SPTLC3: variants seen among roughly 807,000 people sequenced by gnomAD.
SPTLC3 encodes the protein serine palmitoyltransferase long chain base subunit 3.
Under a neutral mutation model 59.3 loss-of-function variants are expected in SPTLC3, and 36 were observed. The observed-to-expected ratio is 0.61, with a 90% confidence interval of 0.47 to 0.80. The LOEUF (loss-of-function observed/expected upper bound fraction) is 0.80. Ranked by LOEUF, SPTLC3 falls within the 30% of genes least tolerant of loss-of-function variation. The pLI, the probability that SPTLC3 is intolerant of heterozygous loss-of-function variation, is 0.00. For missense variants in SPTLC3, 625 were observed against 685.1 expected (o/e 0.91, Z 0.98); for synonymous variants, 257 against 240.8 (o/e 1.07, Z -0.62).
chr20:13,159,214 G>A (rs6109728), intron 10 of SPTLC3, among the ~76,000 whole-genome samples: 81 of 152,318 alleles, frequency 5.3e-4, no homozygotes, highest in African/African-American at 1.9e-3. Context: ...AGCTTATGAA[G>A]GTTTTACTCT....
intron 4 of SPTLC3, among the ~76,000 whole-genome samples, chr20:13,077,286 ATAT>A (rs1323633447): frequency 4.0e-5 from 6 of 149,776 alleles, no homozygotes; most frequent in Non-Finnish European, 7.4e-5. Flanking sequence ...AATACAAATA[ATAT>A]TATTACTTAT....
intron 1 of SPTLC3, among the ~76,000 whole-genome samples, chr20:13,016,161 G>C (rs1391619648): frequency 4.0e-5 from 6 of 151,828 alleles, no homozygotes; most frequent in African/African-American, 1.5e-4. Context: ...AAATACAAAA[G>C]GTAAGGAAAG....
intron 4 of SPTLC3, among the ~76,000 whole-genome samples, chr20:13,075,425 A>C (rs1988611183): frequency 1.3e-5 from 2 of 152,230 alleles, no homozygotes; most frequent in African/African-American, 4.8e-5. Context: ...TAGGTAACCA[A>C]TTAGTAGAGA....
chr20:13,063,361 T>C (rs1214431480), intron 2 of SPTLC3, among the ~76,000 whole-genome samples: 1 of 152,164 alleles, frequency 6.6e-6, no homozygotes, highest in African/African-American at 2.4e-5. Context: ...CAATTCTGTT[T>C]CTTGGCTCTT....
At chr20:13,151,195 T>C (rs1192259413) in intron 9 of SPTLC3, among the ~76,000 whole-genome samples, 5 of 152,248 alleles carry the variant, frequency 3.3e-5, no homozygotes, top group Non-Finnish European at 5.9e-5. Context: ...AAGCTTTTTT[T>C]CTGTGTCTTT....
chr20:13,164,710 C>T (rs1325561542), intron 11 of SPTLC3, 44 bp from the exon 12 acceptor site: 1 of 1,480,012 alleles, frequency 6.8e-7, no homozygotes, highest in South Asian at 1.2e-5. Flanking sequence ...AGCAGGGCTA[C>T]TTAGGTGTTC....
intron 6 of SPTLC3, among the ~76,000 whole-genome samples, chr20:13,098,471 C>T (rs540044672): frequency 7.9e-5 from 12 of 152,142 alleles, no homozygotes; most frequent in East Asian, 1.9e-4. Flanking sequence ...TTTTCTATTA[C>T]GTTTCAAATT....
intron 9 of SPTLC3, among the ~76,000 whole-genome samples, chr20:13,136,853 G>A (rs2038259549): frequency 6.6e-6 from 1 of 151,532 alleles, no homozygotes; most frequent in Non-Finnish European, 1.5e-5. Context: ...TGCAAAAAAG[G>A]TCATAAATAG....
At chr20:13,054,739 C>G (rs554994368) in intron 2 of SPTLC3, among the ~76,000 whole-genome samples, 2 of 152,230 alleles carry the variant, frequency 1.3e-5, no homozygotes, top group East Asian at 3.9e-4. Context: ...GGCAGCTAAA[C>G]TTAAAGATCT....
intron 7 of SPTLC3, among the ~76,000 whole-genome samples, chr20:13,114,820 T>C (rs1182717726): frequency 1.3e-5 from 2 of 152,232 alleles, no homozygotes; most frequent in Non-Finnish European, 2.9e-5. Context: ...GCCGGTGGTT[T>C]AATTCTCCAT....
At chr20:13,046,216 C>T (rs1341274095) in intron 1 of SPTLC3, among the ~76,000 whole-genome samples, 3 of 152,272 alleles carry the variant, frequency 2.0e-5, no homozygotes, top group South Asian at 2.1e-4. Context: ...TGTACCTTAT[C>T]GCATTCACCT....
rs73087773 is a variant in SPTLC3 at position 13,165,779 on chromosome 20, A to C, written c.*912A>C. 6.6e-6 allele frequency: 1 copy of C among 152,170 alleles called. No individual in the cohort carries two copies. Among genetic ancestry groups the C allele is most frequent in the Non-Finnish European group, 1.5e-5 (1 of 68,020 alleles). 9.4% of individuals were successfully genotyped at this position (152,170 alleles called of 1,614,324 possible). On this transcript the variant is annotated 3_prime_UTR_variant, in exon 12 of 12. Transcript: ENST00000399002. ...TCAGTGTCCTTTAGAATCGACTCCC[A>C]AGACTATATTTGAAGAATGCATTGA...
intron 9 of SPTLC3, among the ~76,000 whole-genome samples, chr20:13,142,333 G>A (rs112443643): frequency 1.3e-5 from 2 of 152,206 alleles, no homozygotes; most frequent in African/African-American, 4.8e-5. Context: ...CTGTGTGGTT[G>A]GACCCTGAGA....
rs2038995688 is a variant in SPTLC3, at chr20:13,167,241, GTTCA to G, written c.*2376_*2379del. On this transcript the variant is annotated 3_prime_UTR_variant, in exon 12 of 12. Transcript: ENST00000399002. ...AAGCTCTCAAATGCTAGGCTAATAA[GTTCA>G]TGATTTTAATTCATGATTTTAATTC... is the stretch of plus-strand genomic sequence containing the variant. 1 of 151,750 alleles carries G rather than the reference GTTCA, an allele frequency of 6.6e-6. No homozygotes were observed. The highest frequency in any genetic ancestry group is 2.4e-5 in the African/African-American group (1 of 41,296). The allele number at this position is 151,750 out of a possible 1,614,324, so 9.4% of individuals were successfully genotyped here. A position where few individuals can be genotyped will look rare whatever the true frequency, so the allele number is the denominator to read the frequency against.
At chr20:13,094,036 A>T (rs1015702064) in intron 6 of SPTLC3, among the ~76,000 whole-genome samples, 10 of 152,158 alleles carry the variant, frequency 6.6e-5, no homozygotes, top group Non-Finnish European at 1.0e-4. Context: ...AAAACCATCT[A>T]TTCGACTTCA....
At chr20:13,098,698 T>C (rs6033614) in intron 6 of SPTLC3, among the ~76,000 whole-genome samples, 46,812 of 152,090 alleles carry the variant, frequency 0.31, 7,929 homozygotes, top group Middle Eastern at 0.39. Flanking sequence ...CTAACATTTA[T>C]TGAGAAAGTC....
intron 9 of SPTLC3, among the ~76,000 whole-genome samples, chr20:13,139,920 T>C (rs1198252909): frequency 6.6e-6 from 1 of 152,212 alleles, no homozygotes; most frequent in Non-Finnish European, 1.5e-5. Flanking sequence ...TCGGGTCTAC[T>C]AGTCTGGCTT....
At chr20:13,059,340 TA>T (rs1173522238) in intron 2 of SPTLC3, among the ~76,000 whole-genome samples, 2 of 152,314 alleles carry the variant, frequency 1.3e-5, no homozygotes, top group African/African-American at 4.8e-5. Flanking sequence ...GAGAGCTTGC[TA>T]GAACTCTCAG....
At chr20:13,081,825 T>G (rs1366770811) in intron 4 of SPTLC3, among the ~76,000 whole-genome samples, 1 of 152,170 alleles carries the variant, frequency 6.6e-6, no homozygotes, top group Non-Finnish European at 1.5e-5. Flanking sequence ...TTATTGCATT[T>G]CTCTCAAGCC....
Sources: allele counts gnomAD v4.1 joint callset (sites outside exome capture counted in the v4.1 genomes callset), GRCh38; gene constraint gnomAD v4.1.1; transcripts MANE v1.5; gene names NCBI Gene and HGNC (gene_info 2026-07-23, HGNC 2026-07-21).